The following IRS1 variants were observed in gnomAD, a reference collection of about 807,000 sequenced individuals.
IRS1 encodes the protein insulin receptor substrate 1.
In IRS1, 34 loss-of-function variants were observed where a neutral mutation model predicts 65.6. The ratio of observed to expected loss-of-function variants is 0.52; its 90% CI spans 0.39 to 0.69. The LOEUF (loss-of-function observed/expected upper bound fraction) is 0.69. Among genes scored for constraint, IRS1 ranks in the 30% least tolerant of loss-of-function variants. The pLI is 0.00. For synonymous variants in IRS1, 699 were observed against 683.5 expected (o/e 1.02, Z -0.35); for missense variants, 1,641 against 1,720.2 (o/e 0.95, Z 0.81).
chr2:226,759,249 T>C (rs1408744575), intron 1 of IRS1, among the ~76,000 whole-genome samples: 1 of 152,260 alleles, frequency 6.6e-6, no homozygotes, highest in Non-Finnish European at 1.5e-5. Flanking sequence ...ATTTTTACAA[T>C]GCCATGCTGG....
chr2:226,743,342 G>C (rs778619570), intron 1 of IRS1, among the ~76,000 whole-genome samples: 56 of 152,026 alleles, frequency 3.7e-4, no homozygotes, highest in Non-Finnish European at 5.7e-4. Flanking sequence ...CAAGTCTCCT[G>C]CTTCAGCCTC....
At chr2:226,782,869 C>T (rs189046438) in intron 1 of IRS1, among the ~76,000 whole-genome samples, 1 of 152,218 alleles carries the variant, frequency 6.6e-6, no homozygotes, top group Non-Finnish European at 1.5e-5. Flanking sequence ...GGCATGGTGG[C>T]GCACACCCAT....
Position 226,733,266 on chromosome 2 carries a change from G to T in IRS1, c.*3006C>A, listed in dbSNP as rs956236429. ...GAAGACAAAAGCCAGGGAAAGAAAG[G>T]TTAAAAATCTCTACTTCTGGCTAGA... On this transcript the variant is annotated 3_prime_UTR_variant, in exon 2 of 2. Coordinates refer to ENST00000305123, the MANE Select transcript of IRS1 (RefSeq NM_005544.3). 2.6e-5 allele frequency: 4 copies of T among 152,106 alleles called. No individual in the cohort carries two copies. The highest frequency in any genetic ancestry group is 4.8e-5 in the African/African-American group (2 of 41,420). The allele number at this position is 152,106 out of a possible 1,614,324, so 9.4% of individuals were successfully genotyped here.
intron 1 of IRS1, among the ~76,000 whole-genome samples, chr2:226,787,516 G>T (rs1559156690): frequency 6.6e-6 from 1 of 152,094 alleles, no homozygotes; most frequent in Non-Finnish European, 1.5e-5. Context: ...CCATTTCCAT[G>T]AATCTACCTT....
intron 1 of IRS1, among the ~76,000 whole-genome samples, chr2:226,767,780 G>A (rs952802694): frequency 1.3e-5 from 2 of 152,156 alleles, no homozygotes; most frequent in South Asian, 4.1e-4. Flanking sequence ...CTAGGGTAGA[G>A]GTGGCTTTAG....
chr2:226,744,110 T>A (rs574015447), intron 1 of IRS1, among the ~76,000 whole-genome samples: 1 of 152,324 alleles, frequency 6.6e-6, no homozygotes, highest in South Asian at 2.1e-4. Context: ...AGCATTTGCA[T>A]AGACAACCCT....
intron 1 of IRS1, among the ~76,000 whole-genome samples, chr2:226,753,778 G>C (rs1938736703): frequency 6.6e-6 from 1 of 152,174 alleles, no homozygotes; most frequent in Non-Finnish European, 1.5e-5. Flanking sequence ...GTGTTCTAAA[G>C]GGGTTTGCTA....
chr2:226,775,079 T>G (rs142819139), intron 1 of IRS1, among the ~76,000 whole-genome samples: 17 of 152,250 alleles, frequency 1.1e-4, no homozygotes, highest in Admixed American at 3.9e-4. Context: ...TAAACTTTAA[T>G]GTATGCAAAT....
chr2:226,762,778 C>G (rs572509761), intron 1 of IRS1, among the ~76,000 whole-genome samples: 2 of 151,954 alleles, frequency 1.3e-5, no homozygotes, highest in South Asian at 4.2e-4. Flanking sequence ...TTGCACCAGC[C>G]GAATACATAT....
Position 226,735,734 on chromosome 2 carries a change from T to C in IRS1, c.*538A>G, listed in dbSNP as rs1303730913. 6.6e-6 allele frequency: 1 copy of C among 152,368 alleles called. No homozygotes were observed. Among genetic ancestry groups the C allele is most frequent in the Non-Finnish European group, 1.5e-5 (1 of 67,984 alleles). The allele number at this position is 152,368 out of a possible 1,614,324, so 9.4% of individuals were successfully genotyped here. A position where few individuals can be genotyped will look rare whatever the true frequency, so the allele number is the denominator to read the frequency against. On this transcript the variant is annotated 3_prime_UTR_variant, in exon 2 of 2. Transcript: ENST00000305123. ...GAACATTGTATACCTCCATCCCACA[T>C]CCAAAAAAAAGATGTGCTGTAAGAA...
At chr2:226,773,202 A>G (rs978630579) in intron 1 of IRS1, among the ~76,000 whole-genome samples, 1 of 152,192 alleles carries the variant, frequency 6.6e-6, no homozygotes, top group Non-Finnish European at 1.5e-5. Flanking sequence ...TTTATAAAGG[A>G]ACATAAGGTT....
chr2:226,799,174 C>A lies in IRS1; in HGVS notation c.-436G>T. ...CGCGCGCGCCTTCCCTCCTGAGTTC[C>A]CCTCTGGAAGCAGCGATTCCCGAGG... On this transcript the variant is annotated 5_prime_UTR_variant, in exon 1 of 2. The change creates a premature stop within an existing upstream ORF in the 5' untranslated region. Coordinates refer to ENST00000305123, the MANE Select transcript of IRS1 (RefSeq NM_005544.3). The surrounding 1 kb of genome is among the most constrained non-coding windows in gnomAD (Gnocchi z 6.1). The A allele has an allele frequency of 9.1e-7, 1 of 1,104,904 alleles. No homozygotes were observed. The highest frequency in any genetic ancestry group is 1.1e-6 in the Non-Finnish European group (1 of 893,294). 68.4% of individuals were successfully genotyped at this position (1,104,904 alleles called of 1,614,324 possible). A position where few individuals can be genotyped will look rare whatever the true frequency, so the allele number is the denominator to read the frequency against.
chr2:226,798,309 C>A lies in IRS1; in HGVS notation c.430G>T (p.Glu144Ter). Residue 144 changes from glutamate to a stop codon, truncating the protein, a stop_gained, in exon 1 of 2, where the codon GAG becomes TAG. Coordinates refer to ENST00000305123, the MANE Select transcript of IRS1 (RefSeq NM_005544.3). LOFTEE classifies it high-confidence loss of function. The surrounding 1 kb of genome is among the most constrained non-coding windows in gnomAD (Gnocchi z 9.4). Reference protein sequence around the residue: ...GSCSGSSGLGEAGEDLSYGDV... With the variant: ...GSCSGSSGLG The stretch of plus-strand genomic sequence containing the variant: ...CCGTAGCTCAAGTCCTCCCCAGCCT[C>A]ACCAAGGCCGGAGCTGCCGCTGCAG... 6.2e-7 allele frequency: 1 copy of A among 1,613,272 alleles called. No individual in the cohort carries two copies. Among genetic ancestry groups the A allele is most frequent in the Non-Finnish European group, 8.5e-7 (1 of 1,179,906 alleles).
intron 1 of IRS1, among the ~76,000 whole-genome samples, chr2:226,766,153 A>AT (rs1422570346): frequency 2.3e-3 from 11 of 4,814 alleles, no homozygotes; most frequent in Admixed American, 9.1e-3. Context: ...ATATATATAT[A>AT]TATATATATA....
intron 1 of IRS1, among the ~76,000 whole-genome samples, chr2:226,785,886 C>A: frequency 7.5e-6 from 1 of 132,744 alleles, no homozygotes; most frequent in African/African-American, 2.9e-5. Context: ...AATGCTATCC[C>A]TCCCCCCTCC....
chr2:226,731,935 T>A lies in IRS1; in HGVS notation c.*4337A>T, dbSNP rs922396266. 1 of 152,170 alleles carries A rather than the reference T, an allele frequency of 6.6e-6. No homozygotes were observed. The highest frequency in any genetic ancestry group is 6.5e-5 in the Admixed American group (1 of 15,272). 9.4% of individuals were successfully genotyped at this position (152,170 alleles called of 1,614,324 possible). ...TCCTATGGCATACTCGTTAACAGCA[T>A]AAGCAAAGAGAGATTTAAATGCCAA... On this transcript the variant is annotated 3_prime_UTR_variant, in exon 2 of 2. Coordinates refer to ENST00000305123, the MANE Select transcript of IRS1 (RefSeq NM_005544.3).
At chr2:226,792,625 T>G (rs1457121179) in intron 1 of IRS1, among the ~76,000 whole-genome samples, 1 of 152,142 alleles carries the variant, frequency 6.6e-6, no homozygotes, top group African/African-American at 2.4e-5. Flanking sequence ...AATGAAAAAT[T>G]TTAAACAAGC....
chr2:226,738,848 C>T (rs542935356), intron 1 of IRS1, among the ~76,000 whole-genome samples: 5 of 152,240 alleles, frequency 3.3e-5, no homozygotes, highest in African/African-American at 9.6e-5. Context: ...AACAAACTGC[C>T]GAACATAAAA....
intron 1 of IRS1, among the ~76,000 whole-genome samples, chr2:226,774,092 C>T (rs1192533877): frequency 2.0e-5 from 3 of 152,112 alleles, no homozygotes; most frequent in Non-Finnish European, 2.9e-5. Flanking sequence ...TCCAGATTCC[C>T]ACTGGACGTC....
Sources: allele counts gnomAD v4.1 joint callset (sites outside exome capture counted in the v4.1 genomes callset), GRCh38; gene constraint gnomAD v4.1.1; non-coding constraint Gnocchi (gnomAD v3.1); transcripts MANE v1.5; gene names NCBI Gene and HGNC (gene_info 2026-07-23, HGNC 2026-07-21).